ZNF564: variants seen among roughly 807,000 people sequenced by gnomAD.
ZNF564 encodes zinc finger protein 564.
A neutral mutation model predicts 10.5 loss-of-function variants in ZNF564; 5 were observed. That is an observed-to-expected ratio of 0.48 (90% CI 0.25 to 1.00). The LOEUF (loss-of-function observed/expected upper bound fraction) is 1.00, where lower values mean the gene tolerates loss of function less well. Among genes scored for constraint, ZNF564 ranks in the 50% least tolerant of loss-of-function variants. ZNF564 has a pLI of 0.16. For missense variants in ZNF564, 603 were observed against 669.7 expected, an observed-to-expected ratio of 0.90 and a Z score of 1.10; for synonymous variants, 242 against 218.1, an observed-to-expected ratio of 1.11 and a Z score of -0.97.
intron 1 of ZNF564, among the ~76,000 whole-genome samples, chr19:12,539,584 C>T (rs574891542): frequency 3.4e-4 from 51 of 151,164 alleles, no homozygotes; most frequent in Middle Eastern, 3.2e-3. Flanking sequence ...AGGAGAATCG[C>T]TTGAACCCAG....
At chr19:12,543,820 A>G (rs1197138334) in intron 1 of ZNF564, among the ~76,000 whole-genome samples, 12 of 152,060 alleles carry the variant, frequency 7.9e-5, no homozygotes. Flanking sequence ...TCTAACTCCT[A>G]ATGTCGTTGC....
intron 1 of ZNF564, among the ~76,000 whole-genome samples, chr19:12,534,313 CAT>C (rs1415638931): frequency 6.6e-6 from 1 of 152,130 alleles, no homozygotes. Context: ...GGCATATAAA[CAT>C]ATGAAAACAT....
intron 1 of ZNF564, among the ~76,000 whole-genome samples, chr19:12,538,158 A>C (rs2021956323): frequency 6.6e-6 from 1 of 152,106 alleles, no homozygotes; most frequent in African/African-American, 2.4e-5. Context: ...ATATACATTT[A>C]CACTGTTAAT....
chr19:12,532,160 G>A lies in ZNF564; in HGVS notation c.4-3464C>T, dbSNP rs143453289. On this transcript the variant is annotated intron_variant, in intron 1 of 3. Transcript: ENST00000339282. The stretch of plus-strand genomic sequence containing the variant: ...GACCAGGAGTTCAAGGATATAATGC[G>A]CTATAATTTATTGTGAATAGACCCT... Among the ~76,000 whole-genome samples, 378 of 152,016 alleles carry A rather than the reference G, an allele frequency of 2.5e-3. 2 individuals carry two copies. Among genetic ancestry groups the A allele is most frequent in the Non-Finnish European group, 2.4e-3 (160 of 67,974 alleles).
chr19:12,549,563 G>C (rs572246795), intron 1 of ZNF564, among the ~76,000 whole-genome samples: 3 of 152,346 alleles, frequency 2.0e-5, no homozygotes, highest in Non-Finnish European at 1.5e-5. Flanking sequence ...CAATCCAGAG[G>C]TCAGGAATCA....
Position 12,527,245 on chromosome 19 carries a change from T to C in ZNF564, c.863A>G (p.Lys288Arg). ...AAAATTTGTGAAAGAAATGAAGGCC[T>C]TCCCACACTGTTTACATTCATGGGG... ...EKPHECKQCG[K>R]AFISFTNFQS... The change falls in exon 4 of 4, where the codon AAG becomes AGG. Residue 288 changes from lysine (K) to arginine (R), a missense_variant. By Grantham distance (26) the Lys-to-Arg change is conservative. Coordinates refer to ENST00000339282, the MANE Select transcript of ZNF564 (RefSeq NM_144976.4). The C allele has an allele frequency of 1.2e-6, 2 of 1,614,188 alleles. No homozygotes were observed. The highest frequency in any genetic ancestry group is 1.7e-6 in the Non-Finnish European group (2 of 1,180,036).
At chr19:12,549,621 A>G (rs2145100585) in intron 1 of ZNF564, among the ~76,000 whole-genome samples, 1 of 152,338 alleles carries the variant, frequency 6.6e-6, no homozygotes, top group South Asian at 2.1e-4. Flanking sequence ...GTAACCATCA[A>G]TGTGTCCCTA....
At position 12,538,311 on chromosome 19, in the gene ZNF564, G is replaced by A. The variant is rs555493631; in HGVS notation, c.4-9615C>T. 1.5e-4 allele frequency among the ~76,000 whole-genome samples: 23 copies of A among 151,728 alleles called. No homozygotes were observed. In the East Asian group the frequency reaches 2.9e-3, roughly 19 times the overall value. On this transcript the variant is annotated intron_variant, in intron 1 of 3. Transcript: ENST00000339282. ...TTAAGACCAGCCTGGACAACATAGT[G>A]AAATCCTGTCTCTATTAAAAAAAAA... is the stretch of plus-strand genomic sequence containing the variant.
chr19:12,533,889 A>C (rs1278602960), intron 1 of ZNF564, among the ~76,000 whole-genome samples: 4 of 149,382 alleles, frequency 2.7e-5, no homozygotes, highest in Admixed American at 6.6e-5. Flanking sequence ...AAAAAAAAAA[A>C]CAGAAGTCGG....
chr19:12,534,956 T>C (rs1035100391), intron 1 of ZNF564, among the ~76,000 whole-genome samples: 1 of 152,198 alleles, frequency 6.6e-6, no homozygotes, highest in South Asian at 2.1e-4. Context: ...TTCTAGAATT[T>C]AGAGTTAACC....
intron 1 of ZNF564, among the ~76,000 whole-genome samples, chr19:12,542,451 A>G (rs2022074376): frequency 6.6e-6 from 1 of 151,898 alleles, no homozygotes; most frequent in African/African-American, 2.4e-5. Flanking sequence ...AACATAATGA[A>G]ACCTCAACCA....
At chr19:12,533,877 T>TAAA (rs35579657) in intron 1 of ZNF564, among the ~76,000 whole-genome samples, 1 of 135,052 alleles carries the variant, frequency 7.4e-6, no homozygotes, top group Non-Finnish European at 1.6e-5. Flanking sequence ...CAATAGAGAT[T>TAAA]AAAAAAAAAA....
chr19:12,540,090 T>A (rs914548325), intron 1 of ZNF564, among the ~76,000 whole-genome samples: 7 of 152,130 alleles, frequency 4.6e-5, no homozygotes, highest in Middle Eastern at 3.4e-3. Context: ...TGGCTTAAAA[T>A]AAAATATATT....
chr19:12,540,070 T>C (rs536921426), intron 1 of ZNF564, among the ~76,000 whole-genome samples: 1 of 151,970 alleles, frequency 6.6e-6, no homozygotes, highest in Admixed American at 6.5e-5. Context: ...AAATGAAATA[T>C]GTAACTGACT....
chr19:12,539,827 A>T (rs1180128124), intron 1 of ZNF564, among the ~76,000 whole-genome samples: 1 of 151,450 alleles, frequency 6.6e-6, no homozygotes, highest in Non-Finnish European at 1.5e-5. Context: ...TACAAAAAAG[A>T]AAAATTAGCC....
intron 1 of ZNF564, among the ~76,000 whole-genome samples, chr19:12,537,408 A>T (rs532841930): frequency 7.2e-5 from 11 of 152,180 alleles, no homozygotes; most frequent in Middle Eastern, 3.4e-3. Context: ...ATCAGGTATT[A>T]TAAGTGAGCT....
intron 1 of ZNF564, among the ~76,000 whole-genome samples, chr19:12,532,007 A>T (rs901189507): frequency 4.6e-5 from 7 of 152,164 alleles, no homozygotes; most frequent in African/African-American, 1.7e-4. Flanking sequence ...TAAAAGAAAC[A>T]TGGCATGGCT....
At chr19:12,533,754 A>G (rs1047610212) in intron 1 of ZNF564, among the ~76,000 whole-genome samples, 1 of 138,920 alleles carries the variant, frequency 7.2e-6, no homozygotes, top group African/African-American at 2.6e-5. Context: ...AAAAAAACAG[A>G]AAAAAGAAAA....
At chr19:12,538,666 C>T (rs189757374) in intron 1 of ZNF564, among the ~76,000 whole-genome samples, 8 of 151,924 alleles carry the variant, frequency 5.3e-5, no homozygotes, top group South Asian at 2.1e-4. Context: ...TTTAACTAGT[C>T]GAGTGTGGTG....
Sources: gnomAD v4.1 joint callset for allele counts (sites outside exome capture counted in the v4.1 genomes callset) on GRCh38, gnomAD v4.1.1 for gene constraint, MANE v1.5 for transcripts, NCBI Gene and HGNC (gene_info 2026-07-23, HGNC 2026-07-21) for gene names.